The following ZDHHC4 variants were observed in gnomAD, a reference collection of about 807,000 sequenced individuals.
The protein encoded by ZDHHC4 is zDHHC palmitoyltransferase 4.
A neutral mutation model predicts 36.7 loss-of-function variants in ZDHHC4; 42 were observed. That is an observed-to-expected ratio of 1.14 (90% CI 0.89 to 1.48). The LOEUF (loss-of-function observed/expected upper bound fraction) is 1.48, where lower values mean the gene tolerates loss of function less well. Among genes scored for constraint, ZDHHC4 ranks in the 40% most tolerant of loss-of-function variants. ZDHHC4 has a pLI of 0.00. For synonymous variants in ZDHHC4, 189 were observed against 166.6 expected, an observed-to-expected ratio of 1.13 and a Z score of -1.03; for missense variants, 457 against 421.5, an observed-to-expected ratio of 1.08 and a Z score of -0.74.
intron 6 of ZDHHC4, chr7:6,583,657 C>A: frequency 2.1e-6 from 1 of 475,842 alleles, no homozygotes; most frequent in African/African-American, 2.0e-5. Flanking sequence ...ACAGCCCTTC[C>A]CTCGCCACGT....
rs1177935336 is a variant in ZDHHC4, at chr7:6,583,342, A to C, written c.407A>C (p.His136Pro). 1 of 1,613,672 alleles carries C rather than the reference A, an allele frequency of 6.2e-7. No individual in the cohort carries two copies. Among genetic ancestry groups the C allele is most frequent in the African/African-American group, 1.3e-5 (1 of 74,924 alleles). ...ITKANELLFL[H>P]VYEFDEVMFP... ...AAAGCAAATGAATTATTATTTCTTC[A>C]TGTTTATGAATTTGATGAAGTGATG... The change falls in exon 6 of 8, where the codon CAT becomes CCT. Residue 136 changes from histidine (H) to proline (P), a missense_variant. His to Pro is a moderately conservative substitution (Grantham distance 77). Transcript: ENST00000335965.
In ZDHHC4 at chr7:6,588,483, G is replaced by T. The variant is rs546767890; in HGVS notation, c.742-134G>T. Reference sequence around the variant, plus strand: ...TCTCAGTGCTGTTTATGTTCAGTTTGTCACATCTGGACACAAGTAGGTGGG... The same window carrying T: ...TCTCAGTGCTGTTTATGTTCAGTTTTTCACATCTGGACACAAGTAGGTGGG... On this transcript the variant is annotated intron_variant, in intron 7 of 7. Transcript: ENST00000335965. 10 of 890,536 alleles carry T rather than the reference G, an allele frequency of 1.1e-5. No individual in the cohort carries two copies. The East Asian group carries it at 1.5e-4, about 13-fold the overall frequency. 55.2% of individuals were successfully genotyped at this position (890,536 alleles called of 1,614,324 possible). A position where few individuals can be genotyped will look rare whatever the true frequency, so the allele number is the denominator to read the frequency against.
intron 2 of ZDHHC4, among the ~76,000 whole-genome samples, chr7:6,579,729 G>T (rs1324968803): frequency 2.0e-5 from 3 of 152,214 alleles, no homozygotes; most frequent in African/African-American, 7.2e-5. Context: ...GTAAAAGAAT[G>T]ATTCATGCCT....
chr7:6,578,003 T>C (rs555613336), intron 1 of ZDHHC4, among the ~76,000 whole-genome samples: 2 of 152,198 alleles, frequency 1.3e-5, no homozygotes, highest in East Asian at 1.9e-4. Flanking sequence ...CTAATTTTTT[T>C]TGTATTTAGT....
rs151329744 is a variant in ZDHHC4, at chr7:6,588,768, G to T, written c.893G>T (p.Cys298Phe). ...TGGTACAGAGGTGACTGGGCCTGGT[G>T]CCAGCGTTGTCCCCTTGTGGCCTGG... ...NEWYRGDWAW[C>F]QRCPLVAWPP... The change falls in exon 8 of 8, where the codon TGC becomes TTC. Residue 298 changes from cysteine to phenylalanine, a missense_variant. Coordinates refer to ENST00000335965, the MANE Select transcript of ZDHHC4 (RefSeq NM_001134389.2). The T allele has an allele frequency of 7.5e-4, 1,204 of 1,614,206 alleles. 13 individuals are homozygous for T. In the African/African-American group the frequency reaches 0.015, roughly 20 times the overall value.
chr7:6,581,299 C>T (rs142777686), intron 3 of ZDHHC4, among the ~76,000 whole-genome samples: 82 of 152,324 alleles, frequency 5.4e-4, no homozygotes, highest in African/African-American at 1.9e-3. Flanking sequence ...TGGGATTGAA[C>T]CCAGGCTGGG....
At chr7:6,580,283 G>A (rs935537289) in intron 2 of ZDHHC4, among the ~76,000 whole-genome samples, 1 of 152,140 alleles carries the variant, frequency 6.6e-6, no homozygotes, top group Non-Finnish European at 1.5e-5. Flanking sequence ...TTACAGGCAT[G>A]AGCCACTGCA....
rs1781493794 is a variant in ZDHHC4, at chr7:6,589,228, G to A, written c.*318G>A. The A allele has an allele frequency of 8.8e-6, 3 of 339,964 alleles. No homozygotes were observed. Among genetic ancestry groups the A allele is most frequent in the South Asian group, 6.3e-5 (2 of 31,702 alleles). The allele number at this position is 339,964 out of a possible 1,614,324, so 21.1% of individuals were successfully genotyped here. The stretch of plus-strand genomic sequence containing the variant: ...GGGCTTGCGGCCGTGTCTCTGACCT[G>A]TGTGATGTGCAGGAGGGTCTCATTG... On this transcript the variant is annotated 3_prime_UTR_variant, in exon 8 of 8. Coordinates refer to ENST00000335965, the MANE Select transcript of ZDHHC4 (RefSeq NM_001134389.2).
At chr7:6,579,836 A>G (rs1037750319) in intron 2 of ZDHHC4, among the ~76,000 whole-genome samples, 6 of 152,068 alleles carry the variant, frequency 3.9e-5, no homozygotes, top group Non-Finnish European at 8.8e-5. Flanking sequence ...AGGGTGTTAG[A>G]TTCAAAGTTT....
intron 5 of ZDHHC4, among the ~76,000 whole-genome samples, chr7:6,583,031 G>T (rs1780971385): frequency 1.3e-5 from 2 of 152,052 alleles, no homozygotes; most frequent in Admixed American, 6.6e-5. Flanking sequence ...ACAAAAATTA[G>T]CCACGCGTGC....
chr7:6,584,886 T>TGG (rs1408025469), intron 6 of ZDHHC4, 130 bp from the exon 7 acceptor site: 1 of 1,356,730 alleles, frequency 7.4e-7, no homozygotes, highest in African/African-American at 1.5e-5. Context: ...AAGCTTAGTT[T>TGG]GGAACTAAGC....
chr7:6,587,915 G>T (rs1781349213), intron 7 of ZDHHC4, among the ~76,000 whole-genome samples: 1 of 152,106 alleles, frequency 6.6e-6, no homozygotes, highest in Admixed American at 6.5e-5. Flanking sequence ...GCCTAGGCTG[G>T]AGTGCAGTTG....
At position 6,583,298 on chromosome 7, in the gene ZDHHC4, T is replaced by C; in HGVS notation, c.371-8T>C. On this transcript the variant is annotated splice_region_variant and splice_polypyrimidine_tract_variant and intron_variant, in intron 5 of 7. Transcript: ENST00000335965. ...CACGAAACTGACATATGTCCTTACT[T>C]TTCCCAGGCATTATAACAAAAGCAA... The C allele has an allele frequency of 1.2e-6, 2 of 1,613,854 alleles. No homozygotes were observed. The highest frequency in any genetic ancestry group is 1.7e-6 in the Non-Finnish European group (2 of 1,179,908).
At chr7:6,577,919 G>A (rs1780552291) in intron 1 of ZDHHC4, among the ~76,000 whole-genome samples, 1 of 151,996 alleles carries the variant, frequency 6.6e-6, no homozygotes, top group Non-Finnish European at 1.5e-5. Context: ...TGCACCCTCC[G>A]CCTCCCGGAT....
rs761112694 is a variant in ZDHHC4 at position 6,582,081 on chromosome 7, C to A, written c.200C>A (p.Thr67Asn). The A allele has an allele frequency of 6.2e-7, 1 of 1,611,740 alleles. No homozygotes were observed. ...TGCCTGTTTTCTTTCAGAAACCACA[C>A]CTTCATTGTCCTGCACCTGGTCTTG... ...LHYLFHTRNH[T>N]FIVLHLVLQG... The change falls in exon 5 of 8, where the codon ACC (threonine) becomes AAC (asparagine). Residue 67 changes from threonine (T) to asparagine (N), a missense_variant. Physicochemically the swap from Thr to Asn is moderately conservative, Grantham distance 65. Coordinates refer to ENST00000335965, the MANE Select transcript of ZDHHC4 (RefSeq NM_001134389.2).
intron 7 of ZDHHC4, among the ~76,000 whole-genome samples, chr7:6,587,281 G>A (rs1483847137): frequency 6.6e-6 from 1 of 151,930 alleles, no homozygotes; most frequent in Non-Finnish European, 1.5e-5. Flanking sequence ...TTTTGTTTGT[G>A]GATCTTTTGG....
chr7:6,583,825 C>G (rs916008982), intron 6 of ZDHHC4: 2 of 157,096 alleles, frequency 1.3e-5, no homozygotes, highest in African/African-American at 4.8e-5. Flanking sequence ...GCCAGGAATT[C>G]CAGTACTTTG....
At chr7:6,582,422 A>G (rs951438732) in intron 5 of ZDHHC4, 171 bp downstream of exon 5, 6 of 645,410 alleles carry the variant, frequency 9.3e-6, no homozygotes, top group Non-Finnish European at 1.3e-5. Context: ...TCTTCAACCC[A>G]TGGGTTATTT....
intron 1 of ZDHHC4, 129 bp from the exon 2 acceptor site, chr7:6,578,437 C>G (rs1188283495): frequency 1.3e-5 from 2 of 152,238 alleles, no homozygotes; most frequent in Non-Finnish European, 2.9e-5. Flanking sequence ...CCATTTCTCC[C>G]AAAGTCTTAC....
Sources: gnomAD v4.1 joint callset for allele counts (sites outside exome capture counted in the v4.1 genomes callset) on GRCh38, gnomAD v4.1.1 for gene constraint, MANE v1.5 for transcripts, NCBI Gene and HGNC (gene_info 2026-07-23, HGNC 2026-07-21) for gene names.